Variants in ABCC12 observed in about 807,000 individuals in gnomAD.
ABCC12 encodes the protein ATP-binding cassette sub-family C member 12.
ABCC12 carries 142 observed loss-of-function variants against 151.1 expected under a neutral mutation model. The ratio of observed to expected loss-of-function variants is 0.94; its 90% CI spans 0.82 to 1.08. The LOEUF is 1.08. Among genes scored for constraint, ABCC12 ranks in the 50% least tolerant of loss-of-function variants. The pLI, the probability that ABCC12 is intolerant of heterozygous loss-of-function variation, is 0.00. For synonymous variants in ABCC12, 645 were observed against 646.4 expected (o/e 1.00, Z 0.03); for missense variants, 1,638 against 1,691.1 (o/e 0.97, Z 0.55).
Position 48,115,442 on chromosome 16 carries a change from T to C in ABCC12, c.1962A>G (p.Thr654=), listed in dbSNP as rs112485950. The C allele has an allele frequency of 3.1e-6, 5 of 1,614,048 alleles. No homozygotes were observed. The highest frequency in any genetic ancestry group is 1.3e-5 in the African/African-American group (1 of 75,066). ...ECIKKTLRGK[T]VVLVTHQLQF... is the part of the protein sequence containing the mutation. ...GTAGCTGGTGGGTCACCAGGACGAC[T>C]GTCTTTCCCCTGAGCGTCTTCTTAA... is the stretch of plus-strand genomic sequence containing the variant. Residue 654 remains threonine, a synonymous_variant, in exon 15 of 31, where the codon ACA becomes ACG. Coordinates refer to ENST00000311303, the MANE Select transcript of ABCC12 (RefSeq NM_001393797.1).
intron 19 of ABCC12, 50 bp downstream of exon 19, chr16:48,108,390 G>T (rs1415061917): frequency 6.5e-7 from 1 of 1,534,644 alleles, no homozygotes; most frequent in Non-Finnish European, 9.0e-7. Context: ...TTTAAGACAG[G>T]ATTTTTAAAA....
At chr16:48,135,682 A>G (rs1222541743) in intron 8 of ABCC12, among the ~76,000 whole-genome samples, 1 of 152,204 alleles carries the variant, frequency 6.6e-6, no homozygotes, top group African/African-American at 2.4e-5. Context: ...AATGTTGGGA[A>G]CTAAATGAAA....
chr16:48,104,395 A>T, intron 21 of ABCC12, 27 bp from the exon 22 acceptor site: 1 of 1,605,814 alleles, frequency 6.2e-7, no homozygotes, highest in Non-Finnish European at 8.5e-7. Flanking sequence ...AGAGTCAAAC[A>T]GAGTCGAGAT....
In ABCC12 at chr16:48,083,654, AAGACTC is replaced by A; in HGVS notation, c.*55_*60del. On this transcript the variant is annotated 3_prime_UTR_variant, in exon 31 of 31. Coordinates refer to ENST00000311303, the MANE Select transcript of ABCC12 (RefSeq NM_001393797.1). ...GCGGAGAGGACAGCCCCTCCTCCTG[AAGACTC>A]CTCCTATTCATCTCACAGAGCCTCT... 1 of 1,556,592 alleles carries A rather than the reference AAGACTC, an allele frequency of 6.4e-7. No individual in the cohort carries two copies. The highest frequency in any genetic ancestry group is 8.8e-7 in the Non-Finnish European group (1 of 1,133,932).
intron 8 of ABCC12, among the ~76,000 whole-genome samples, chr16:48,136,333 C>T (rs541946898): frequency 6.6e-6 from 1 of 152,318 alleles, no homozygotes; most frequent in East Asian, 1.9e-4. Context: ...CTTTGGCCTA[C>T]CTGAAAGCCA....
In ABCC12 at chr16:48,111,447, A is replaced by G. The variant is rs776654908; in HGVS notation, c.2270T>C (p.Val757Ala). 1 of 1,614,156 alleles carries G rather than the reference A, an allele frequency of 6.2e-7. No homozygotes were observed. The highest frequency in any genetic ancestry group is 8.5e-7 in the Non-Finnish European group (1 of 1,180,008). The change falls in exon 18 of 31, where the codon GTA becomes GCA. Residue 757 changes from valine to alanine, a missense_variant. Coordinates refer to ENST00000311303, the MANE Select transcript of ABCC12 (RefSeq NM_001393797.1). The stretch of plus-strand genomic sequence containing the variant: ...TGTGTGGTAAATACCTTTTGTGTCT[A>G]CAAATTCTGAGCCTGTTTCAGATTC... ...GKESETGSEF[V>A]DTKVPEHQLI...
In ABCC12 at chr16:48,115,591, C is replaced by T. The variant is rs777274538; in HGVS notation, c.1813G>A (p.Gly605Arg). The T allele has an allele frequency of 3.1e-6, 5 of 1,614,004 alleles. No homozygotes were observed. The highest frequency in any genetic ancestry group is 4.5e-5 in the East Asian group (2 of 44,878). Residue 605 changes from glycine (G) to arginine (R), a missense_variant, in exon 15 of 31, where the codon GGG becomes AGG. Transcript: ENST00000311303. ...EIGERGLNLS[G>R]GQRQRISLAR... ...AGGCTAATCCTCTGCCTCTGCCCCC[C>T]AGAGAGGTTGAGGCCCCGCTCCCCA...
rs769332846 is a variant in ABCC12 at position 48,101,055 on chromosome 16, T to C, written c.2901-46A>G. The C allele has an allele frequency of 5.0e-6, 8 of 1,599,854 alleles. No individual in the cohort carries two copies. The South Asian group carries it at 8.0e-5, about 16-fold the overall frequency. On this transcript the variant is annotated intron_variant, in intron 22 of 30. Coordinates refer to ENST00000311303, the MANE Select transcript of ABCC12 (RefSeq NM_001393797.1). Reference sequence around the variant, plus strand: ...GCCAGGTGGGCCACAAAGTGAGGTCTCATCAGGCTTGCCCTCACACATACA... The same window carrying C: ...GCCAGGTGGGCCACAAAGTGAGGTCCCATCAGGCTTGCCCTCACACATACA...
intron 4 of ABCC12, among the ~76,000 whole-genome samples, chr16:48,142,234 T>C (rs1964841717): frequency 6.6e-6 from 1 of 152,190 alleles, no homozygotes. Context: ...TAGAAGATGC[T>C]CGTGAGGCAT....
rs1964511060 is a variant in ABCC12, at chr16:48,133,713, G to GGAGGAT, written c.1096_1101dup (p.Ile366_Leu367dup). 6.2e-7 allele frequency: 1 copy of GGAGGAT among 1,614,116 alleles called. No individual in the cohort carries two copies. The highest frequency in any genetic ancestry group is 8.5e-7 in the Non-Finnish European group (1 of 1,180,018). On this transcript the variant is annotated inframe_insertion, in exon 9 of 31. Transcript: ENST00000311303. ...ACGGGTGCGGTGAGTTTGCGTCTCA[G>GGAGGAT]GAGGATGTGGCAGGATAATGTCAGC...
At chr16:48,091,460 G>A (rs746184923) in intron 24 of ABCC12, among the ~76,000 whole-genome samples, 1 of 152,180 alleles carries the variant, frequency 6.6e-6, no homozygotes, top group Non-Finnish European at 1.5e-5. Flanking sequence ...ACTCCAGATG[G>A]TGAGAATCAT....
chr16:48,092,886 G>A (rs1962960210), intron 24 of ABCC12, among the ~76,000 whole-genome samples: 1 of 152,160 alleles, frequency 6.6e-6, no homozygotes, highest in African/African-American at 2.4e-5. Context: ...TAAGAAGCAA[G>A]CGGTCTTAGC....
chr16:48,108,959 G>A (rs1462558674), intron 18 of ABCC12, among the ~76,000 whole-genome samples: 2 of 152,170 alleles, frequency 1.3e-5, no homozygotes, highest in Non-Finnish European at 2.9e-5. Context: ...ACCAGTGTAG[G>A]CACACACTCA....
At chr16:48,122,060 A>G (rs1266911838) in intron 12 of ABCC12, among the ~76,000 whole-genome samples, 3 of 152,252 alleles carry the variant, frequency 2.0e-5, no homozygotes, top group Non-Finnish European at 4.4e-5. Context: ...ATGCTTGAAA[A>G]GAGGCAGTGG....
chr16:48,108,091 A>G (rs960786174), intron 19 of ABCC12, among the ~76,000 whole-genome samples: 3 of 152,224 alleles, frequency 2.0e-5, no homozygotes, highest in South Asian at 4.1e-4. Flanking sequence ...GAGTGAAACT[A>G]CAGGCATGTT....
intron 15 of ABCC12, among the ~76,000 whole-genome samples, chr16:48,112,220 A>G (rs1362986652): frequency 6.6e-6 from 1 of 152,144 alleles, no homozygotes; most frequent in African/African-American, 2.4e-5. Context: ...TGAGTCCAAA[A>G]AAAAGCCAGC....
chr16:48,145,451 G>A (rs753559842), intron 3 of ABCC12, among the ~76,000 whole-genome samples: 2 of 152,136 alleles, frequency 1.3e-5, no homozygotes, highest in Non-Finnish European at 2.9e-5. Context: ...AAATGACCCC[G>A]TTTTCTCTCC....
chr16:48,083,678 G>A lies in ABCC12; in HGVS notation c.*37C>T. 1 of 1,603,962 alleles carries A rather than the reference G, an allele frequency of 6.2e-7. No individual in the cohort carries two copies. Among genetic ancestry groups the A allele is most frequent in the South Asian group, 1.1e-5 (1 of 90,778 alleles). On this transcript the variant is annotated 3_prime_UTR_variant, in exon 31 of 31. Coordinates refer to ENST00000311303, the MANE Select transcript of ABCC12 (RefSeq NM_001393797.1). ...GAAGACTCCTCCTATTCATCTCACAGAGCCTCTTCCTCCTCTAGAATCAGC... is the reference window on the plus strand; with the variant it reads ...GAAGACTCCTCCTATTCATCTCACAAAGCCTCTTCCTCCTCTAGAATCAGC...
chr16:48,121,179 T>C (rs1027143480), intron 13 of ABCC12: 1 of 152,186 alleles, frequency 6.6e-6, no homozygotes, highest in African/African-American at 2.4e-5. Flanking sequence ...TGTAATTATG[T>C]CCATTTAAAA....
Sources: allele counts gnomAD v4.1 joint callset (sites outside exome capture counted in the v4.1 genomes callset), GRCh38; gene constraint gnomAD v4.1.1; transcripts MANE v1.5; gene names NCBI Gene and HGNC (gene_info 2026-07-23, HGNC 2026-07-21).